CACNA2D3: variants seen among roughly 807,000 people sequenced by gnomAD.
CACNA2D3 encodes voltage-dependent calcium channel subunit alpha-2/delta-3.
Under a neutral mutation model 160.6 loss-of-function variants are expected in CACNA2D3, and 60 were observed. That is an observed-to-expected ratio of 0.37 (90% confidence interval 0.30 to 0.46). The LOEUF (loss-of-function observed/expected upper bound fraction) is 0.46, where lower values mean the gene tolerates loss of function less well. CACNA2D3 is among the 20% of genes least tolerant of loss of function. The pLI is 1.00. For missense variants in CACNA2D3, 1,205 were observed against 1,365.0 expected, an observed-to-expected ratio of 0.88 and a Z score of 1.85; for synonymous variants, 558 against 492.9, an observed-to-expected ratio of 1.13 and a Z score of -1.75.
At chr3:54,330,380 G>T (rs1704221456) in intron 3 of CACNA2D3, among the ~76,000 whole-genome samples, 1 of 152,022 alleles carries the variant, frequency 6.6e-6, no homozygotes, top group Non-Finnish European at 1.5e-5. Context: ...TAGTACCTCT[G>T]CAAAGCCCGT....
intron 4 of CACNA2D3, among the ~76,000 whole-genome samples, chr3:54,431,693 A>G (rs1205697548): frequency 1.3e-5 from 2 of 152,118 alleles, no homozygotes; most frequent in Admixed American, 6.5e-5. Flanking sequence ...GCTCACTGCA[A>G]CCTCCATCTC....
At chr3:54,639,497 G>C (rs1249374987) in intron 10 of CACNA2D3, 1 of 152,718 alleles carries the variant, frequency 6.5e-6, no homozygotes, top group Non-Finnish European at 1.5e-5. Context: ...GAAAGGAATT[G>C]AAATTAAGAG....
chr3:54,538,834 C>T (rs918232480), intron 5 of CACNA2D3, among the ~76,000 whole-genome samples: 2 of 152,140 alleles, frequency 1.3e-5, no homozygotes, highest in Non-Finnish European at 2.9e-5. Context: ...AGAGTCCATA[C>T]TATATGTATG....
intron 2 of CACNA2D3, among the ~76,000 whole-genome samples, chr3:54,309,015 C>T (rs1269603417): frequency 6.6e-6 from 1 of 152,216 alleles, no homozygotes; most frequent in Non-Finnish European, 1.5e-5. Flanking sequence ...TAAATGCATA[C>T]AAAGAGATAT....
At chr3:54,996,859 C>T (rs533054434) in intron 31 of CACNA2D3, among the ~76,000 whole-genome samples, 35 of 152,236 alleles carry the variant, frequency 2.3e-4, no homozygotes, top group African/African-American at 5.8e-4. Flanking sequence ...AGGATCAGTT[C>T]GTGTCCTTTG....
chr3:54,469,142 C>T (rs376468918), intron 4 of CACNA2D3, among the ~76,000 whole-genome samples: 1 of 152,190 alleles, frequency 6.6e-6, no homozygotes. Context: ...GAGACACCTC[C>T]CAGCAAGGGT....
At chr3:55,001,008 G>C (rs1015853075) in intron 31 of CACNA2D3, among the ~76,000 whole-genome samples, 3 of 152,112 alleles carry the variant, frequency 2.0e-5, no homozygotes, top group Non-Finnish European at 4.4e-5. Context: ...TATTTATTTA[G>C]GCTGGCTAAG....
chr3:54,916,310 T>C (rs1700657528), intron 27 of CACNA2D3, among the ~76,000 whole-genome samples: 1 of 152,020 alleles, frequency 6.6e-6, no homozygotes, highest in Admixed American at 6.6e-5. Context: ...GCATCCTCAG[T>C]CCAGGGCCAT....
At chr3:54,736,331 C>T (rs969108863) in intron 11 of CACNA2D3, among the ~76,000 whole-genome samples, 17 of 151,462 alleles carry the variant, frequency 1.1e-4, no homozygotes, top group Non-Finnish European at 1.8e-4. Flanking sequence ...TTCTGTGATA[C>T]GTTTAGGTTG....
At chr3:54,231,022 G>A (rs1241200550) in intron 2 of CACNA2D3, among the ~76,000 whole-genome samples, 2 of 152,142 alleles carry the variant, frequency 1.3e-5, no homozygotes, top group Non-Finnish European at 2.9e-5. Flanking sequence ...CCATTTCTGG[G>A]TTCTGCCTGA....
intron 9 of CACNA2D3, among the ~76,000 whole-genome samples, chr3:54,612,058 T>G (rs1211055214): frequency 3.9e-5 from 6 of 152,146 alleles, no homozygotes; most frequent in Admixed American, 2.6e-4. Context: ...GTTCTGTTCA[T>G]TCTACTAGTT....
chr3:54,372,664 T>G (rs1488489529), intron 3 of CACNA2D3, among the ~76,000 whole-genome samples: 1 of 152,190 alleles, frequency 6.6e-6, no homozygotes, highest in Admixed American at 6.5e-5. Flanking sequence ...CTTTGTTATT[T>G]TGAAATAAAG....
chr3:55,053,350 G>C (rs553750849), intron 35 of CACNA2D3, among the ~76,000 whole-genome samples: 25 of 151,990 alleles, frequency 1.6e-4, no homozygotes, highest in African/African-American at 6.0e-4. Context: ...TACTCTGATA[G>C]GATTTTGATT....
intron 5 of CACNA2D3, among the ~76,000 whole-genome samples, chr3:54,554,870 C>CTCTT (rs1274391923): frequency 1.0e-5 from 1 of 96,168 alleles, no homozygotes; most frequent in African/African-American, 4.2e-5. Context: ...CTCTCACTCT[C>CTCTT]TTTTTTTTTT....
intron 8 of CACNA2D3, among the ~76,000 whole-genome samples, chr3:54,579,574 A>G (rs553731310): frequency 3.3e-5 from 5 of 152,368 alleles, no homozygotes; most frequent in African/African-American, 9.6e-5. Flanking sequence ...GTCGTGTCCA[A>G]CAACGGGGAA....
At chr3:54,788,440 C>T (rs1375221622) in intron 13 of CACNA2D3, among the ~76,000 whole-genome samples, 3 of 152,178 alleles carry the variant, frequency 2.0e-5, no homozygotes, top group African/African-American at 7.2e-5. Context: ...TAGATGTCTT[C>T]TTTGTGGTAA....
At chr3:54,427,215 A>T (rs934289433) in intron 4 of CACNA2D3, among the ~76,000 whole-genome samples, 3 of 152,186 alleles carry the variant, frequency 2.0e-5, no homozygotes, top group African/African-American at 7.2e-5. Flanking sequence ...CATGTAGGTT[A>T]TCTGTGCGTA....
At chr3:54,593,725 A>G (rs1256374844) in intron 9 of CACNA2D3, among the ~76,000 whole-genome samples, 1 of 152,172 alleles carries the variant, frequency 6.6e-6, no homozygotes, top group Non-Finnish European at 1.5e-5. Flanking sequence ...ACATGAGCTG[A>G]TTTGTGCTTA....
rs539518563 is a variant in CACNA2D3 at position 54,540,762 on chromosome 3, T to C, written c.545-22038T>C. 9.2e-5 allele frequency among the ~76,000 whole-genome samples: 14 copies of C among 152,266 alleles called. No homozygotes were observed. In the East Asian group the frequency reaches 2.5e-3, roughly 27 times the overall value. On this transcript the variant is annotated intron_variant, in intron 5 of 37. Transcript: ENST00000474759. Reference sequence around the variant, plus strand: ...TGAGTGTTCCCTCTCATGATTTAATTACCACCCAAAGACCCCATCTCCTAG... The same window carrying C: ...TGAGTGTTCCCTCTCATGATTTAATCACCACCCAAAGACCCCATCTCCTAG...
Sources: gnomAD v4.1 joint callset for allele counts (sites outside exome capture counted in the v4.1 genomes callset) on GRCh38, gnomAD v4.1.1 for gene constraint, MANE v1.5 for transcripts, NCBI Gene and HGNC (gene_info 2026-07-23, HGNC 2026-07-21) for gene names.